Variants in HDAC9 observed in about 807,000 individuals in gnomAD.
HDAC9 encodes the protein histone deacetylase 9.
Under a neutral mutation model 139.4 loss-of-function variants are expected in HDAC9, and 41 were observed. The observed-to-expected ratio is 0.29, with a 90% CI of 0.23 to 0.38. The LOEUF (loss-of-function observed/expected upper bound fraction) is 0.38, where lower values mean the gene tolerates loss of function less well. Among genes scored for constraint, HDAC9 ranks in the 10% least tolerant of loss-of-function variants. The pLI is 1.00. For synonymous variants in HDAC9, 517 were observed against 476.2 expected (o/e 1.09, Z -1.12); for missense variants, 1,147 against 1,297.0 (o/e 0.88, Z 1.78).
intron 12 of HDAC9, among the ~76,000 whole-genome samples, chr7:18,711,720 G>C (rs1245361572): frequency 6.6e-6 from 1 of 152,130 alleles, no homozygotes; most frequent in Non-Finnish European, 1.5e-5. Context: ...CAAATGAGAG[G>C]AACGCTGTCT....
chr7:18,524,825 A>G (rs535056945), intron 2 of HDAC9, among the ~76,000 whole-genome samples: 30 of 151,406 alleles, frequency 2.0e-4, no homozygotes, highest in African/African-American at 7.3e-4. Context: ...TGTGTAAAAG[A>G]TTTTGGGTAG....
chr7:18,594,043 A>G lies in HDAC9; in HGVS notation c.664+14A>G. 1 of 1,611,778 alleles carries G rather than the reference A, an allele frequency of 6.2e-7. No individual in the cohort carries two copies. Among genetic ancestry groups the G allele is most frequent in the South Asian group, 1.1e-5 (1 of 90,998 alleles). On this transcript the variant is annotated intron_variant, in intron 6 of 25. Transcript: ENST00000686413. ...TTCGAAAAACTGGTAAGTTGGTTTA[A>G]CAGGAACTCTGTTTGCTCTTCTGTA...
At chr7:18,888,297 C>A (rs1364726614) in intron 22 of HDAC9, among the ~76,000 whole-genome samples, 10 of 152,040 alleles carry the variant, frequency 6.6e-5, no homozygotes, top group Admixed American at 6.6e-4. Context: ...TGGTGGCGGG[C>A]GCCTGTAGTC....
At chr7:18,670,141 T>C (rs1041835701) in intron 12 of HDAC9, among the ~76,000 whole-genome samples, 3 of 151,962 alleles carry the variant, frequency 2.0e-5, no homozygotes, top group Non-Finnish European at 2.9e-5. Flanking sequence ...AGGTGTGTGA[T>C]TGAAGGTTTA....
intron 2 of HDAC9, among the ~76,000 whole-genome samples, chr7:18,555,059 T>C (rs1398077701): frequency 1.3e-5 from 2 of 152,226 alleles, no homozygotes. Flanking sequence ...TGAAAACATA[T>C]AAAATGTAGT....
chr7:18,514,461 A>C (rs1019545479), intron 2 of HDAC9, among the ~76,000 whole-genome samples: 1 of 152,194 alleles, frequency 6.6e-6, no homozygotes, highest in Admixed American at 6.5e-5. Context: ...TTCACTTTTA[A>C]AAATTCGGAC....
intron 2 of HDAC9, among the ~76,000 whole-genome samples, chr7:18,550,993 T>C (rs1025491816): frequency 3.3e-5 from 5 of 152,172 alleles, no homozygotes; most frequent in Non-Finnish European, 7.3e-5. Flanking sequence ...GCTGTGAAGG[T>C]AGAGAGAATT....
chr7:18,720,841 T>A (rs1562881395), intron 12 of HDAC9, among the ~76,000 whole-genome samples: 1 of 151,742 alleles, frequency 6.6e-6, no homozygotes, highest in East Asian at 1.9e-4. Flanking sequence ...GCCAACTAAT[T>A]TTTTTGTTGT....
At chr7:18,683,535 C>A (rs961500352) in intron 12 of HDAC9, among the ~76,000 whole-genome samples, 1 of 152,092 alleles carries the variant, frequency 6.6e-6, no homozygotes, top group African/African-American at 2.4e-5. Context: ...ATCTTTACTT[C>A]CCTACACTAC....
chr7:18,145,498 G>A (rs1786246431), intron 1 of HDAC9, among the ~76,000 whole-genome samples: 1 of 152,018 alleles, frequency 6.6e-6, no homozygotes, highest in Non-Finnish European at 1.5e-5. Flanking sequence ...ATATTTGTTG[G>A]GCTAATGGTT....
At chr7:18,644,918 G>C in intron 9 of HDAC9, 125 bp downstream of exon 9, 1 of 882,700 alleles carries the variant, frequency 1.1e-6, no homozygotes, top group Non-Finnish European at 1.6e-6. Context: ...CTCCTTCACT[G>C]TTTGCTATTT....
chr7:18,603,391 C>G (rs1403575913), intron 6 of HDAC9, among the ~76,000 whole-genome samples: 1 of 151,958 alleles, frequency 6.6e-6, no homozygotes, highest in Non-Finnish European at 1.5e-5. Context: ...CTCTCTGACT[C>G]CTCTGCTATT....
intron 21 of HDAC9, among the ~76,000 whole-genome samples, chr7:18,843,878 G>A (rs183614806): frequency 3.4e-4 from 51 of 152,154 alleles, no homozygotes; most frequent in Admixed American, 2.8e-3. Flanking sequence ...ACTTTCCCAC[G>A]TGGAGGAATC....
intron 12 of HDAC9, among the ~76,000 whole-genome samples, chr7:18,703,645 G>A (rs1216671260): frequency 6.6e-6 from 1 of 152,104 alleles, no homozygotes; most frequent in African/African-American, 2.4e-5. Flanking sequence ...TGTTTATGAA[G>A]GATTTCAAAT....
intron 12 of HDAC9, among the ~76,000 whole-genome samples, chr7:18,687,112 A>G (rs1216150887): frequency 2.0e-5 from 3 of 151,866 alleles, no homozygotes; most frequent in Non-Finnish European, 4.4e-5. Flanking sequence ...TTACATAAAT[A>G]TAAATAGTTA....
intron 22 of HDAC9, among the ~76,000 whole-genome samples, chr7:18,905,768 A>C (rs988368537): frequency 6.6e-6 from 1 of 151,880 alleles, no homozygotes; most frequent in Non-Finnish European, 1.5e-5. Flanking sequence ...TTAAACTACA[A>C]CCTCTTAACA....
intron 1 of HDAC9, among the ~76,000 whole-genome samples, chr7:18,346,912 T>C (rs995859537): frequency 1.3e-5 from 2 of 152,170 alleles, no homozygotes; most frequent in African/African-American, 4.8e-5. Context: ...CTTTGTTTTC[T>C]AGGTCTAAAA....
intron 12 of HDAC9, among the ~76,000 whole-genome samples, chr7:18,713,415 A>G (rs1784483753): frequency 6.6e-6 from 1 of 152,214 alleles, no homozygotes; most frequent in African/African-American, 2.4e-5. Flanking sequence ...AGAGACACAA[A>G]ATAATTAAGT....
chr7:18,191,444 G>A (rs1480087467), intron 2 of HDAC9, among the ~76,000 whole-genome samples: 2 of 152,056 alleles, frequency 1.3e-5, no homozygotes, highest in East Asian at 1.9e-4. Context: ...TTCTTTACAC[G>A]GTTTCTCAAT....
Sources: gnomAD v4.1 joint callset for allele counts (sites outside exome capture counted in the v4.1 genomes callset) on GRCh38, gnomAD v4.1.1 for gene constraint, MANE v1.5 for transcripts, NCBI Gene and HGNC (gene_info 2026-07-23, HGNC 2026-07-21) for gene names.